Variants in CIB4 observed in about 807,000 individuals in gnomAD.
CIB4 encodes calcium and integrin-binding family member 4.
CIB4 carries 25 observed loss-of-function variants against 25.8 expected under a neutral mutation model. The ratio of observed to expected loss-of-function variants is 0.97; its 90% CI spans 0.71 to 1.35. The LOEUF is 1.35. CIB4 is among the 40% of genes most tolerant of loss of function. CIB4 has a pLI of 0.00. For synonymous variants in CIB4, 75 were observed against 81.4 expected (o/e 0.92, Z 0.42); for missense variants, 235 against 228.2 (o/e 1.03, Z -0.19).
intron 2 of CIB4, among the ~76,000 whole-genome samples, chr2:26,639,665 G>A (rs182542668): frequency 2.2e-4 from 34 of 152,144 alleles, no homozygotes; most frequent in African/African-American, 2.7e-4. Context: ...TTAGCTCCCC[G>A]TGCCCTGGCC....
In CIB4 at chr2:26,583,845, G is replaced by C; in HGVS notation, c.382C>G (p.Arg128Gly). 9 of 1,613,288 alleles carry C rather than the reference G, an allele frequency of 5.6e-6. No homozygotes were observed. The highest frequency in any genetic ancestry group is 7.6e-6 in the Non-Finnish European group (9 of 1,179,570). The stretch of plus-strand genomic sequence containing the variant: ...GACATGTCATCACTGTTCAGCAGTC[G>C]CAGGATGATCCTCTGCAGATCCTCC... ...DEEDLQRIIL[R>G]LLNSDDMSED... is the part of the protein sequence containing the mutation. Residue 128 changes from arginine (R) to glycine (G), a missense_variant, in exon 5 of 7, where the codon CGA becomes GGA. Transcript: ENST00000288861.
rs75892255 is a variant in CIB4, at chr2:26,620,484, G to A, written c.186+8926C>T. Among the ~76,000 whole-genome samples, 3,539 of 152,178 alleles carry A rather than the reference G, an allele frequency of 0.023. 338 individuals carry two copies. In the East Asian group the frequency reaches 0.33, roughly 14 times the overall value. On this transcript the variant is annotated intron_variant, in intron 3 of 6. Coordinates refer to ENST00000288861, the MANE Select transcript of CIB4 (RefSeq NM_001029881.3). ...AGAGTATAGCAGAGGCTTTCTCCACGGGGGACGTCAGACATGGTTGAGAAC... is the reference window on the plus strand; with the variant it reads ...AGAGTATAGCAGAGGCTTTCTCCACAGGGGACGTCAGACATGGTTGAGAAC...
At chr2:26,608,673 G>A (rs934000810) in intron 3 of CIB4, among the ~76,000 whole-genome samples, 1 of 152,210 alleles carries the variant, frequency 6.6e-6, no homozygotes, top group Non-Finnish European at 1.5e-5. Flanking sequence ...GATGGGGGCT[G>A]TGGGGAGAAG....
Position 26,589,104 on chromosome 2 carries a change from CTTCCTCTTCTTCTTCT to C in CIB4, c.329-5222_329-5207del, listed in dbSNP as rs1558555112. Among the ~76,000 whole-genome samples, 94 of 110,008 alleles carry C rather than the reference CTTCCTCTTCTTCTTCT, an allele frequency of 8.5e-4. 7 individuals carry two copies. The highest frequency in any genetic ancestry group is 3.9e-3 in the African/African-American group (88 of 22,550). The allele number at this position is 110,008 out of a possible 152,430, so 72.2% of individuals were successfully genotyped here. On this transcript the variant is annotated intron_variant, in intron 4 of 6. Coordinates refer to ENST00000288861, the MANE Select transcript of CIB4 (RefSeq NM_001029881.3). ...TCTTCTTCTTCTTCTTCTTCTTCTTCTTCCTCTTCTTCTTCTTCTTCTTCTTCTTCTTCTTCTCCTT... is the reference window on the plus strand; with the variant it reads ...TCTTCTTCTTCTTCTTCTTCTTCTTCTCTTCTTCTTCTTCTTCTTCTCCTT...
At chr2:26,629,675 T>C (rs1017895438) in intron 2 of CIB4, among the ~76,000 whole-genome samples, 169 bp from the exon 3 acceptor site, 1 of 152,052 alleles carries the variant, frequency 6.6e-6, no homozygotes. Context: ...TCAATAATAA[T>C]AAAGCGCAGT....
intron 3 of CIB4, among the ~76,000 whole-genome samples, chr2:26,613,054 A>G (rs1474026846): frequency 3.3e-5 from 5 of 152,182 alleles, no homozygotes; most frequent in Admixed American, 1.3e-4. Flanking sequence ...CCCAAGGCCT[A>G]GGGGACTTTC....
intron 6 of CIB4, 87 bp downstream of exon 6, chr2:26,582,738 G>A: frequency 1.4e-6 from 1 of 721,516 alleles, no homozygotes; most frequent in South Asian, 2.0e-5. Context: ...GGAAGACTGA[G>A]ATGTCCCATG....
chr2:26,582,643 C>A (rs1668369264), intron 6 of CIB4, among the ~76,000 whole-genome samples, 182 bp downstream of exon 6: 1 of 152,214 alleles, frequency 6.6e-6, no homozygotes, highest in African/African-American at 2.4e-5. Flanking sequence ...TTTAATACCC[C>A]AGGGTTACCT....
At chr2:26,603,202 G>A (rs577667426) in intron 3 of CIB4, among the ~76,000 whole-genome samples, 1 of 152,232 alleles carries the variant, frequency 6.6e-6, no homozygotes, top group African/African-American at 2.4e-5. Context: ...TCATGGAAAA[G>A]CGAGACTGAG....
At chr2:26,613,097 C>T (rs1669027208) in intron 3 of CIB4, among the ~76,000 whole-genome samples, 1 of 152,182 alleles carries the variant, frequency 6.6e-6, no homozygotes, top group Non-Finnish European at 1.5e-5. Flanking sequence ...ATCTCTCCTC[C>T]TCATCTCAGC....
At chr2:26,589,745 C>A (rs1668549899) in intron 4 of CIB4, among the ~76,000 whole-genome samples, 1 of 152,198 alleles carries the variant, frequency 6.6e-6, no homozygotes, top group South Asian at 2.1e-4. Flanking sequence ...GTCTCCTTTG[C>A]AGCTATGGGT....
chr2:26,639,149 GAGACATTTTCTTTTCACTT>G (rs1363647776), intron 2 of CIB4, among the ~76,000 whole-genome samples: 2 of 151,980 alleles, frequency 1.3e-5, no homozygotes, highest in Admixed American at 6.6e-5. Flanking sequence ...GGAGAGAATG[GAGACATTTTCTTTTCACTT>G]AGAACTTTTA....
intron 3 of CIB4, among the ~76,000 whole-genome samples, chr2:26,613,030 A>G (rs1323368937): frequency 1.3e-5 from 2 of 152,190 alleles, no homozygotes; most frequent in Non-Finnish European, 2.9e-5. Context: ...AAGAGAGAGA[A>G]GGAGGATCCT....
chr2:26,618,589 C>T (rs1236922364), intron 3 of CIB4, among the ~76,000 whole-genome samples: 2 of 152,154 alleles, frequency 1.3e-5, no homozygotes, highest in African/African-American at 2.4e-5. Context: ...CATGGGCCAC[C>T]GCACCCAGTC....
At chr2:26,607,824 CG>C (rs1668920441) in intron 3 of CIB4, among the ~76,000 whole-genome samples, 1 of 152,224 alleles carries the variant, frequency 6.6e-6, no homozygotes, top group South Asian at 2.1e-4. Context: ...CCCTGCCTGC[CG>C]GAGGGCAGCA....
intron 4 of CIB4, among the ~76,000 whole-genome samples, chr2:26,591,495 C>G (rs576300964): frequency 6.6e-6 from 1 of 152,320 alleles, no homozygotes; most frequent in African/African-American, 2.4e-5. Context: ...TCTCATCCAG[C>G]TGTGCCCTAG....
At chr2:26,615,661 G>A (rs1324080257) in intron 3 of CIB4, among the ~76,000 whole-genome samples, 1 of 152,328 alleles carries the variant, frequency 6.6e-6, no homozygotes, top group Middle Eastern at 3.4e-3. Context: ...TTTGGAAGAT[G>A]AAGACACTGA....
intron 3 of CIB4, among the ~76,000 whole-genome samples, chr2:26,617,601 C>T (rs1423979484): frequency 1.3e-5 from 2 of 152,184 alleles, no homozygotes; most frequent in African/African-American, 2.4e-5. Context: ...AATTGCTGTA[C>T]TCATCCAATC....
At chr2:26,632,982 C>T (rs2148226181) in intron 2 of CIB4, among the ~76,000 whole-genome samples, 1 of 152,190 alleles carries the variant, frequency 6.6e-6, no homozygotes, top group South Asian at 2.1e-4. Context: ...CTGCCCCCAC[C>T]ACGGGCACCA....
Sources: gnomAD v4.1 joint callset for allele counts (sites outside exome capture counted in the v4.1 genomes callset) on GRCh38, gnomAD v4.1.1 for gene constraint, MANE v1.5 for transcripts, NCBI Gene and HGNC (gene_info 2026-07-23, HGNC 2026-07-21) for gene names.